The following AMPH variants were observed in gnomAD, a reference collection of about 807,000 sequenced individuals.
AMPH encodes the protein amphiphysin, also known as amphiphysin (Stiff-Mann syndrome with breast cancer 128kD autoantigen).
Under a neutral mutation model 99.1 loss-of-function variants are expected in AMPH, and 49 were observed. The observed-to-expected ratio is 0.49, with a 90% confidence interval of 0.39 to 0.63. The LOEUF (loss-of-function observed/expected upper bound fraction) is 0.63. Ranked by LOEUF, AMPH falls within the 20% of genes least tolerant of loss-of-function variation. AMPH has a pLI of 0.00. For synonymous variants in AMPH, 314 were observed against 317.3 expected (o/e 0.99, Z 0.11); for missense variants, 759 against 863.4 (o/e 0.88, Z 1.52).
intron 2 of AMPH, among the ~76,000 whole-genome samples, chr7:38,516,156 GC>G (rs1344310617): frequency 1.3e-5 from 2 of 152,220 alleles, no homozygotes; most frequent in Non-Finnish European, 2.9e-5. Context: ...ATTCAAGTTG[GC>G]TGCAGAAATT....
At chr7:38,497,900 C>T (rs1270444315) in intron 3 of AMPH, among the ~76,000 whole-genome samples, 1 of 152,174 alleles carries the variant, frequency 6.6e-6, no homozygotes, top group African/African-American at 2.4e-5. Flanking sequence ...AAATGAAGAA[C>T]TATTAATGAC....
chr7:38,445,736 A>T (rs1786752569), intron 11 of AMPH, among the ~76,000 whole-genome samples: 1 of 151,132 alleles, frequency 6.6e-6, no homozygotes. Context: ...AAAATTAAAA[A>T]CACTAACCGA....
chr7:38,559,965 T>G (rs1372490270), intron 1 of AMPH, among the ~76,000 whole-genome samples: 1 of 152,188 alleles, frequency 6.6e-6, no homozygotes, highest in Non-Finnish European at 1.5e-5. Flanking sequence ...AAAACAAAAG[T>G]GGCATCCACA....
chr7:38,432,977 T>G (rs995136024), intron 12 of AMPH, among the ~76,000 whole-genome samples: 1 of 152,228 alleles, frequency 6.6e-6, no homozygotes, highest in Non-Finnish European at 1.5e-5. Context: ...CAGGGAAGAC[T>G]TCTCTTTCTT....
chr7:38,565,797 T>A (rs1440695086), intron 1 of AMPH, among the ~76,000 whole-genome samples: 1 of 152,174 alleles, frequency 6.6e-6, no homozygotes, highest in Non-Finnish European at 1.5e-5. Context: ...CTTCACCTCC[T>A]TCAACCCATC....
chr7:38,406,032 A>C (rs1382733005), intron 17 of AMPH, among the ~76,000 whole-genome samples: 2 of 152,234 alleles, frequency 1.3e-5, no homozygotes. Flanking sequence ...CTCAGACCAC[A>C]GTGGAATAAA....
intron 11 of AMPH, among the ~76,000 whole-genome samples, chr7:38,457,941 G>GTA (rs1341660514): frequency 1.3e-5 from 2 of 151,892 alleles, no homozygotes; most frequent in East Asian, 3.8e-4. Context: ...ATGTGTGTGT[G>GTA]TATATATGTC....
chr7:38,556,225 C>T (rs971628336), intron 1 of AMPH, among the ~76,000 whole-genome samples: 2 of 152,076 alleles, frequency 1.3e-5, no homozygotes, highest in African/African-American at 4.8e-5. Context: ...AACATCCCAA[C>T]CTTTAAAAAA....
chr7:38,518,601 G>A (rs1789838843), intron 2 of AMPH, among the ~76,000 whole-genome samples: 1 of 152,178 alleles, frequency 6.6e-6, no homozygotes, highest in Non-Finnish European at 1.5e-5. Flanking sequence ...ATCCCCTTTA[G>A]AATGGGAATG....
intron 1 of AMPH, among the ~76,000 whole-genome samples, chr7:38,580,200 A>G (rs1212959544): frequency 6.6e-6 from 1 of 152,156 alleles, no homozygotes; most frequent in Non-Finnish European, 1.5e-5. Flanking sequence ...TGGAGGCCAG[A>G]GGAAAGATGA....
chr7:38,535,283 T>C (rs1790556900), intron 1 of AMPH, among the ~76,000 whole-genome samples: 1 of 152,206 alleles, frequency 6.6e-6, no homozygotes. Flanking sequence ...ATATAACTGT[T>C]TCCTTTAGCA....
chr7:38,446,194 A>G (rs909661409), intron 11 of AMPH, among the ~76,000 whole-genome samples: 4 of 152,246 alleles, frequency 2.6e-5, no homozygotes, highest in African/African-American at 9.6e-5. Flanking sequence ...GAAGAACTAG[A>G]ACTCTTATGC....
intron 2 of AMPH, among the ~76,000 whole-genome samples, chr7:38,530,178 T>C (rs1411936255): frequency 6.6e-6 from 1 of 152,142 alleles, no homozygotes; most frequent in Non-Finnish European, 1.5e-5. Context: ...CTAGCTCCCA[T>C]GGAAATAAAA....
intron 7 of AMPH, among the ~76,000 whole-genome samples, chr7:38,474,360 G>C (rs1285265082): frequency 6.6e-6 from 1 of 152,152 alleles, no homozygotes; most frequent in Non-Finnish European, 1.5e-5. Flanking sequence ...GTTGGACTTT[G>C]GGTGATGGCT....
At chr7:38,538,893 G>C (rs138609975) in intron 1 of AMPH, among the ~76,000 whole-genome samples, 1 of 152,168 alleles carries the variant, frequency 6.6e-6, no homozygotes, top group Admixed American at 6.5e-5. Flanking sequence ...TCCAGGTAGA[G>C]ATATGGTAAA....
chr7:38,626,101 C>T (rs1426297641), intron 1 of AMPH, among the ~76,000 whole-genome samples: 2 of 152,140 alleles, frequency 1.3e-5, no homozygotes, highest in African/African-American at 4.8e-5. Context: ...AGCACTATTG[C>T]CTCTAACAAG....
intron 2 of AMPH, among the ~76,000 whole-genome samples, chr7:38,525,791 A>G (rs1790165302): frequency 6.6e-6 from 1 of 151,964 alleles, no homozygotes; most frequent in Non-Finnish European, 1.5e-5. Context: ...TTTTCTTTTC[A>G]TTGCTTACTA....
At chr7:38,520,781 T>C (rs1159473374) in intron 2 of AMPH, among the ~76,000 whole-genome samples, 1 of 152,176 alleles carries the variant, frequency 6.6e-6, no homozygotes, top group Non-Finnish European at 1.5e-5. Context: ...TCAAATCATA[T>C]GGAAGTAGCT....
intron 11 of AMPH, among the ~76,000 whole-genome samples, chr7:38,449,191 C>T (rs1012520249): frequency 2.0e-5 from 3 of 152,142 alleles, no homozygotes; most frequent in Non-Finnish European, 2.9e-5. Context: ...AACACTCAAA[C>T]GAGTTCTAGA....
Sources: gnomAD v4.1 joint callset for allele counts (sites outside exome capture counted in the v4.1 genomes callset) on GRCh38, gnomAD v4.1.1 for gene constraint, MANE v1.5 for transcripts, NCBI Gene and HGNC (gene_info 2026-07-23, HGNC 2026-07-21) for gene names.